BRAF: variants seen among roughly 807,000 people sequenced by gnomAD.
BRAF encodes the protein B-Raf proto-oncogene, serine/threonine kinase.
A neutral mutation model predicts 104.6 loss-of-function variants in BRAF; 16 were observed. The observed-to-expected ratio is 0.15, with a 90% CI of 0.10 to 0.23. The LOEUF (loss-of-function observed/expected upper bound fraction) is 0.23. BRAF is among the 10% of genes least tolerant of loss of function. The pLI is 1.00. For synonymous variants in BRAF, 310 were observed against 341.6 expected (o/e 0.91, Z 1.02); for missense variants, 541 against 937.3 (o/e 0.58, Z 5.52).
intron 1 of BRAF, among the ~76,000 whole-genome samples, chr7:140,876,935 T>C (rs1200125871): frequency 6.6e-6 from 1 of 151,810 alleles, no homozygotes; most frequent in Non-Finnish European, 1.5e-5. Context: ...ACCACAAACG[T>C]TTGTTCTCTG....
chr7:140,903,596 A>T (rs1340080638), intron 1 of BRAF, among the ~76,000 whole-genome samples: 2 of 152,200 alleles, frequency 1.3e-5, no homozygotes, highest in Non-Finnish European at 2.9e-5. Flanking sequence ...TGTGACTTTC[A>T]ACATTCCTTA....
At chr7:140,902,235 T>C (rs576421659) in intron 1 of BRAF, among the ~76,000 whole-genome samples, 1 of 152,200 alleles carries the variant, frequency 6.6e-6, no homozygotes, top group Non-Finnish European at 1.5e-5. Flanking sequence ...TATTATGCTG[T>C]CTATTTTAGT....
intron 1 of BRAF, among the ~76,000 whole-genome samples, chr7:140,850,458 T>C (rs1484065069): frequency 6.6e-6 from 1 of 152,084 alleles, no homozygotes; most frequent in Non-Finnish European, 1.5e-5. Context: ...GAATAAACCA[T>C]GAAATCTCTC....
intron 1 of BRAF, among the ~76,000 whole-genome samples, chr7:140,867,665 T>C (rs959986082): frequency 9.9e-5 from 15 of 152,090 alleles, no homozygotes; most frequent in Non-Finnish European, 1.8e-4. Flanking sequence ...AGATGATACA[T>C]GAACAGAGAT....
chr7:140,871,239 C>CAAA (rs11284186), intron 1 of BRAF, among the ~76,000 whole-genome samples: 50 of 60,994 alleles, frequency 8.2e-4, no homozygotes, highest in African/African-American at 1.1e-3. Context: ...GACTCCGTCT[C>CAAA]AAAAAAAAAA....
intron 14 of BRAF, among the ~76,000 whole-genome samples, chr7:140,774,478 G>A (rs777243907): frequency 3.9e-5 from 6 of 151,928 alleles, no homozygotes; most frequent in African/African-American, 9.7e-5. Flanking sequence ...CACCCACCTC[G>A]GCCTCCTAAA....
chr7:140,870,711 G>C (rs1041719564), intron 1 of BRAF, among the ~76,000 whole-genome samples: 7 of 151,516 alleles, frequency 4.6e-5, no homozygotes, highest in Non-Finnish European at 1.0e-4. Context: ...AAGCAAAAGA[G>C]GAAACGGAAC....
intron 14 of BRAF, among the ~76,000 whole-genome samples, chr7:140,775,767 T>C (rs923977297): frequency 6.6e-6 from 1 of 152,224 alleles, no homozygotes; most frequent in Non-Finnish European, 1.5e-5. Context: ...TAATTTGCTG[T>C]AATAAGTATT....
At chr7:140,794,579 A>C in intron 7 of BRAF, 112 bp from the exon 8 acceptor site, 1 of 1,268,198 alleles carries the variant, frequency 7.9e-7, no homozygotes, top group Admixed American at 2.1e-5. Flanking sequence ...CAAAATCATT[A>C]AAGCATTAAA....
intron 3 of BRAF, among the ~76,000 whole-genome samples, chr7:140,821,358 G>A (rs1266693433): frequency 6.7e-6 from 1 of 148,788 alleles, no homozygotes; most frequent in Non-Finnish European, 1.5e-5. Context: ...GGAGTGCAGT[G>A]GTGGGATCTC....
chr7:140,748,831 A>G (rs1217518918), intron 17 of BRAF: 1 of 158,096 alleles, frequency 6.3e-6, no homozygotes, highest in African/African-American at 2.4e-5. Context: ...AGAAAAATCA[A>G]AGCATGATTT....
intron 2 of BRAF, among the ~76,000 whole-genome samples, chr7:140,840,342 A>G (rs1185210643): frequency 1.2e-5 from 1 of 83,730 alleles, no homozygotes; most frequent in Admixed American, 9.6e-5. Flanking sequence ...GATAAATTGG[A>G]ATTCCATCCA....
chr7:140,743,771 T>C (rs1797126140), intron 17 of BRAF, among the ~76,000 whole-genome samples: 1 of 152,120 alleles, frequency 6.6e-6, no homozygotes, highest in Admixed American at 6.5e-5. Flanking sequence ...ATAGTATACA[T>C]TGTCCCAGGG....
At chr7:140,785,539 T>C (rs984111867) in intron 10 of BRAF, 2 of 392,394 alleles carry the variant, frequency 5.1e-6, no homozygotes, top group African/African-American at 4.1e-5. Flanking sequence ...GAGACGTACA[T>C]TCAAAGCATT....
At chr7:140,837,798 C>T (rs1008069641) in intron 2 of BRAF, among the ~76,000 whole-genome samples, 2 of 152,194 alleles carry the variant, frequency 1.3e-5, no homozygotes, top group Non-Finnish European at 2.9e-5. Context: ...TTAATTCACT[C>T]TGAAAATAAC....
intron 1 of BRAF, among the ~76,000 whole-genome samples, chr7:140,892,183 G>C (rs1209333596): frequency 6.6e-6 from 1 of 152,094 alleles, no homozygotes; most frequent in African/African-American, 2.4e-5. Flanking sequence ...TTGAGCCCAG[G>C]AGGTGGAGGT....
At position 140,753,540 on chromosome 7, in the gene BRAF, T is replaced by A. The variant is rs1373580811; in HGVS notation, c.1862-147A>T. 13 of 599,672 alleles carry A rather than the reference T, an allele frequency of 2.2e-5. No homozygotes were observed. In the South Asian group the frequency reaches 2.3e-4, roughly 11 times the overall value. 37.1% of individuals were successfully genotyped at this position (599,672 alleles called of 1,614,324 possible). On this transcript the variant is annotated intron_variant, in intron 15 of 19. Coordinates refer to ENST00000644969, the MANE Select transcript of BRAF (RefSeq NM_001374258.1). ...TAGTACTTCATCTTTCCTCTTAGAGTCAATAAGTATGTCTAAAACAATGAT... is the reference window on the plus strand; with the variant it reads ...TAGTACTTCATCTTTCCTCTTAGAGACAATAAGTATGTCTAAAACAATGAT...
At chr7:140,921,999 A>C (rs1480199358) in intron 1 of BRAF, among the ~76,000 whole-genome samples, 3 of 152,166 alleles carry the variant, frequency 2.0e-5, no homozygotes, top group Non-Finnish European at 4.4e-5. Flanking sequence ...CAAATTTAAA[A>C]TTATTTCTTG....
At position 140,739,864 on chromosome 7, in the gene BRAF, A is replaced by G. The variant is rs55715359; in HGVS notation, c.2195T>C (p.Leu732Ser). The change falls in exon 18 of 20, where the codon TTA becomes TCA. Residue 732 changes from leucine (L) to serine (S), a missense_variant. Coordinates refer to ENST00000644969, the MANE Select transcript of BRAF (RefSeq NM_001374258.1). Reference protein sequence around the residue: ...RSNCPKAMKRLMAECLKKKRD... With the variant: ...RSNCPKAMKRSMAECLKKKRD... ...TTTCTTTTTGAGGCACTCTGCCATT[A>G]ATCTCTTCATGGCTTTTGGACAGTT... 1 of 1,613,322 alleles carries G rather than the reference A, an allele frequency of 6.2e-7. No individual in the cohort carries two copies. The highest frequency in any genetic ancestry group is 8.5e-7 in the Non-Finnish European group (1 of 1,179,942).
Sources: gnomAD v4.1 joint callset for allele counts (sites outside exome capture counted in the v4.1 genomes callset) on GRCh38, gnomAD v4.1.1 for gene constraint, MANE v1.5 for transcripts, NCBI Gene and HGNC (gene_info 2026-07-23, HGNC 2026-07-21) for gene names.